Variants in CTNNA3 observed in about 807,000 individuals in gnomAD.
CTNNA3 encodes catenin alpha-3.
In CTNNA3, 76 loss-of-function variants were observed where a neutral mutation model predicts 95.7. That is an observed-to-expected ratio of 0.79 (90% CI 0.66 to 0.96). The LOEUF (loss-of-function observed/expected upper bound fraction) is 0.96, where lower values mean the gene tolerates loss of function less well. Among genes scored for constraint, CTNNA3 ranks in the 40% least tolerant of loss-of-function variants. The pLI, the probability that CTNNA3 is intolerant of heterozygous loss-of-function variation, is 0.00. For synonymous variants in CTNNA3, 431 were observed against 374.4 expected (o/e 1.15, Z -1.74); for missense variants, 1,191 against 1,089.8 (o/e 1.09, Z -1.31).
At chr10:66,975,707 A>G (rs1349053694) in intron 7 of CTNNA3, among the ~76,000 whole-genome samples, 1 of 152,162 alleles carries the variant, frequency 6.6e-6, no homozygotes, top group Non-Finnish European at 1.5e-5. Context: ...CATCAAGCTA[A>G]GTTCGTCCTA....
At chr10:66,618,934 T>C (rs1844635105) in intron 10 of CTNNA3, among the ~76,000 whole-genome samples, 1 of 152,146 alleles carries the variant, frequency 6.6e-6, no homozygotes, top group Non-Finnish European at 1.5e-5. Context: ...AGAAGACATT[T>C]ATGCAGCCAA....
chr10:67,102,046 G>A (rs1858377639), intron 7 of CTNNA3, among the ~76,000 whole-genome samples: 1 of 151,696 alleles, frequency 6.6e-6, no homozygotes, highest in Non-Finnish European at 1.5e-5. Flanking sequence ...TCTTATATTG[G>A]CACAGCTCTT....
chr10:66,063,211 T>TAG (rs954684612), intron 15 of CTNNA3, among the ~76,000 whole-genome samples: 3 of 90,242 alleles, frequency 3.3e-5, no homozygotes, highest in African/African-American at 1.2e-4. Flanking sequence ...TATATATATA[T>TAG]ATAGATATAG....
rs386371664 is a variant in CTNNA3 at position 66,708,225 on chromosome 10, CA to C, written c.1281+58038del. On this transcript the variant is annotated intron_variant, in intron 9 of 17. Coordinates refer to ENST00000433211, the MANE Select transcript of CTNNA3 (RefSeq NM_013266.4). Reference sequence around the variant, plus strand: ...AGCTTTTTTGGCTTGCCAATGCTGCCAAAAAAAAAAAAACACCACTGACTGG... The same window carrying C: ...AGCTTTTTTGGCTTGCCAATGCTGCCAAAAAAAAAAAACACCACTGACTGG... Among the ~76,000 whole-genome samples the C allele has an allele frequency of 5.7e-3, 707 of 124,158 alleles. 4 individuals carry two copies. The highest frequency in any genetic ancestry group is 0.016 in the African/African-American group (555 of 33,880). The allele number at this position is 124,158 out of a possible 152,430, so 81.5% of individuals were successfully genotyped here. A position where few individuals can be genotyped will look rare whatever the true frequency, so the allele number is the denominator to read the frequency against.
At chr10:67,476,554 A>G (rs1327274936) in intron 5 of CTNNA3, among the ~76,000 whole-genome samples, 1 of 151,426 alleles carries the variant, frequency 6.6e-6, no homozygotes, top group Non-Finnish European at 1.5e-5. Flanking sequence ...ACCCAGGCAT[A>G]TCTCCAGGCA....
At chr10:66,765,694 T>C (rs1350848840) in intron 9 of CTNNA3, among the ~76,000 whole-genome samples, 3 of 152,192 alleles carry the variant, frequency 2.0e-5, no homozygotes. Flanking sequence ...CCTTCAGCAA[T>C]ATGCTATCCT....
At chr10:67,043,601 C>T in intron 7 of CTNNA3, among the ~76,000 whole-genome samples, 1 of 152,130 alleles carries the variant, frequency 6.6e-6, no homozygotes, top group Non-Finnish European at 1.5e-5. Context: ...GCTGATCGTT[C>T]AGTCTGCCAG....
rs147855649 is a variant in CTNNA3, at chr10:66,482,801, T to G, written c.1531+37816A>C. 1.6e-4 allele frequency among the ~76,000 whole-genome samples: 25 copies of G among 152,284 alleles called. No individual in the cohort carries two copies. The South Asian group carries it at 5.0e-3, about 30-fold the overall frequency. ...GTAAATAAATTAGTAGGATTTGGTA[T>G]AAAAACACAGCTCAGTTGGGATTGT... is the stretch of plus-strand genomic sequence containing the variant. On this transcript the variant is annotated intron_variant, in intron 11 of 17. Transcript: ENST00000433211.
chr10:65,920,710 C>T lies in CTNNA3; in HGVS notation c.2401-93G>A, dbSNP rs1166690216. 2.2e-6 allele frequency: 3 copies of T among 1,362,750 alleles called. No individual in the cohort carries two copies. The South Asian group carries it at 4.1e-5, about 19-fold the overall frequency. The allele number at this position is 1,362,750 out of a possible 1,614,324, so 84.4% of individuals were successfully genotyped here. ...GCATGGTGGCATGTGCCCGTTGCCC[C>T]AGCTACTCAGGAGGCTGAGGAGGGA... On this transcript the variant is annotated intron_variant, in intron 17 of 17. Coordinates refer to ENST00000433211, the MANE Select transcript of CTNNA3 (RefSeq NM_013266.4).
chr10:66,266,752 CA>C (rs1352877899), intron 13 of CTNNA3, among the ~76,000 whole-genome samples: 6 of 151,946 alleles, frequency 3.9e-5, no homozygotes, highest in Non-Finnish European at 7.4e-5. Context: ...ATTGCAAATA[CA>C]AAAACGCTTG....
rs534659353 is a variant in CTNNA3, at chr10:66,103,361, C to T, written c.1885-112G>A. On this transcript the variant is annotated intron_variant, in intron 13 of 17. Transcript: ENST00000433211. ...ATCATAAAGTTACCATATGACCCAG[C>T]AATTTCACTCCCAGTTATATACTCA... is the stretch of plus-strand genomic sequence containing the variant. The T allele has an allele frequency of 2.0e-5, 15 of 749,968 alleles. No individual in the cohort carries two copies. In the South Asian group the frequency reaches 2.3e-4, roughly 12 times the overall value. 46.5% of individuals were successfully genotyped at this position (749,968 alleles called of 1,614,324 possible).
In CTNNA3 at chr10:67,253,836, C is replaced by T. The variant is rs150128998; in HGVS notation, c.580-33966G>A. Reference sequence around the variant, plus strand: ...TTCTGGGTTTTATGGGCCCAGGAGGCCCAGAAGGTAATGCAATATGAGGGC... The same window carrying T: ...TTCTGGGTTTTATGGGCCCAGGAGGTCCAGAAGGTAATGCAATATGAGGGC... On this transcript the variant is annotated intron_variant, in intron 5 of 17. Coordinates refer to ENST00000433211, the MANE Select transcript of CTNNA3 (RefSeq NM_013266.4). Among the ~76,000 whole-genome samples, 6 of 152,186 alleles carry T rather than the reference C, an allele frequency of 3.9e-5. No individual in the cohort carries two copies. In the East Asian group the frequency reaches 7.7e-4, roughly 20 times the overall value.
chr10:65,917,132 T>C lies in CTNNA3; in HGVS notation c.*3198A>G, dbSNP rs1564513032. The C allele has an allele frequency of 6.6e-6, 1 of 152,200 alleles. No individual in the cohort carries two copies. The highest frequency in any genetic ancestry group is 1.5e-5 in the Non-Finnish European group (1 of 68,046). The allele number at this position is 152,200 out of a possible 1,614,324, so 9.4% of individuals were successfully genotyped here. On this transcript the variant is annotated 3_prime_UTR_variant, in exon 18 of 18. Transcript: ENST00000433211. ...TTTTATGGGGAACAAATATGTTATA[T>C]TGATCTTATGTTAAAAGATTTCAAA...
chr10:67,548,245 A>G (rs1470758681), intron 3 of CTNNA3, among the ~76,000 whole-genome samples: 1 of 152,116 alleles, frequency 6.6e-6, no homozygotes, highest in Non-Finnish European at 1.5e-5. Flanking sequence ...TTTGCCTTCC[A>G]CCATGATTGG....
chr10:66,241,745 T>C (rs1431862605), intron 13 of CTNNA3, among the ~76,000 whole-genome samples: 6 of 149,266 alleles, frequency 4.0e-5, no homozygotes, highest in Non-Finnish European at 8.9e-5. Flanking sequence ...CGAAAAGGGG[T>C]AAGACCTAAA....
Position 67,318,314 on chromosome 10 carries a change from TC to T in CTNNA3, c.580-98445del, listed in dbSNP as rs201632801. 1.4e-4 allele frequency among the ~76,000 whole-genome samples: 21 copies of T among 152,252 alleles called. No homozygotes were observed. The East Asian group carries it at 4.1e-3, about 29-fold the overall frequency. On this transcript the variant is annotated intron_variant, in intron 5 of 17. Coordinates refer to ENST00000433211, the MANE Select transcript of CTNNA3 (RefSeq NM_013266.4). ...TGAAACATTAATGTTCTACATTTTA[TC>T]CCCCATTCTCCCACTGAAGATCATG...
At chr10:66,084,613 C>G (rs1395130221) in intron 14 of CTNNA3, among the ~76,000 whole-genome samples, 1 of 152,026 alleles carries the variant, frequency 6.6e-6, no homozygotes, top group Non-Finnish European at 1.5e-5. Context: ...AAGGACTCAT[C>G]TTGATTAGTT....
chr10:66,834,814 C>A (rs1842836056), intron 7 of CTNNA3, among the ~76,000 whole-genome samples: 1 of 152,180 alleles, frequency 6.6e-6, no homozygotes, highest in Non-Finnish European at 1.5e-5. Context: ...TTAAACTGTG[C>A]TTTTCATGCA....
intron 9 of CTNNA3, among the ~76,000 whole-genome samples, chr10:66,752,165 A>AAGTT (rs201959957): frequency 0.012 from 1,768 of 152,294 alleles, 30 homozygotes; most frequent in African/African-American, 0.039. Context: ...AAGAAAAAGA[A>AAGTT]AGAGGACTGA....
Sources: allele counts gnomAD v4.1 joint callset (sites outside exome capture counted in the v4.1 genomes callset), GRCh38; gene constraint gnomAD v4.1.1; transcripts MANE v1.5; gene names NCBI Gene and HGNC (gene_info 2026-07-23, HGNC 2026-07-21).